The following EPS8L2 variants were observed in gnomAD, a reference collection of about 807,000 sequenced individuals.
The protein encoded by EPS8L2 is EPS8 signaling adaptor L2.
Under a neutral mutation model 99.4 loss-of-function variants are expected in EPS8L2, and 81 were observed. The observed-to-expected ratio is 0.82, with a 90% CI of 0.68 to 0.98. The LOEUF (loss-of-function observed/expected upper bound fraction) is 0.98. Among genes scored for constraint, EPS8L2 ranks in the 50% least tolerant of loss-of-function variants. The pLI is 0.00. For missense variants in EPS8L2, 1,155 were observed against 968.8 expected (o/e 1.19, Z -2.55); for synonymous variants, 509 against 407.3 (o/e 1.25, Z -3.01).
rs578152165 is a variant in EPS8L2 at position 707,821 on chromosome 11, C to T, written c.-78-1509C>T. On this transcript the variant is annotated intron_variant, in intron 1 of 20. Transcript: ENST00000318562. ...TTGCGTGCCCCCAGGCCTGAGTCTG[C>T]AAGGGTGCGTTGGTGTCTCGCCCAG... 1.6e-4 allele frequency among the ~76,000 whole-genome samples: 25 copies of T among 152,290 alleles called. No individual in the cohort carries two copies. The East Asian group carries it at 4.4e-3, about 27-fold the overall frequency.
At chr11:718,459 T>C (rs1332147595) in intron 4 of EPS8L2, among the ~76,000 whole-genome samples, 5 of 151,916 alleles carry the variant, frequency 3.3e-5, no homozygotes, top group Non-Finnish European at 5.9e-5. Context: ...ATTTTTTCTT[T>C]GAGTTTTTGC....
chr11:719,933 C>G (rs914516965), intron 4 of EPS8L2, 129 bp from the exon 5 acceptor site: 6 of 804,516 alleles, frequency 7.5e-6, no homozygotes, highest in Admixed American at 5.9e-5. Context: ...AAGGCGGGGC[C>G]GGTCCCCGTT....
intron 4 of EPS8L2, among the ~76,000 whole-genome samples, chr11:719,568 G>A (rs1255461020): frequency 6.6e-6 from 1 of 152,254 alleles, no homozygotes; most frequent in Non-Finnish European, 1.5e-5. Context: ...TGGGGACACA[G>A]CTTAGCAAGT....
intron 6 of EPS8L2, 40 bp downstream of exon 6, chr11:720,786 C>T (rs1388227938): frequency 2.6e-6 from 4 of 1,540,832 alleles, no homozygotes; most frequent in Admixed American, 2.0e-5. Context: ...GGCCCCGCCG[C>T]GCCGCGCCCC....
At chr11:725,664 C>G in intron 16 of EPS8L2, 64 bp from the exon 17 acceptor site, 1 of 1,279,114 alleles carries the variant, frequency 7.8e-7, no homozygotes, top group Non-Finnish European at 9.9e-7. Context: ...TAAAGCGGCG[C>G]CAGCGGGTGG....
At position 724,827 on chromosome 11, in the gene EPS8L2, G is replaced by C; in HGVS notation, c.1558G>C (p.Glu520Gln). 1.9e-6 allele frequency: 3 copies of C among 1,608,746 alleles called. No individual in the cohort carries two copies. Among genetic ancestry groups the C allele is most frequent in the Non-Finnish European group, 2.6e-6 (3 of 1,175,690 alleles). ...ELSVLKDEVL[E>Q]VLEDGRQWWK... The stretch of plus-strand genomic sequence containing the variant: ...ATCGGTGCTCAAGGATGAGGTCCTA[G>C]AGGTGAGGGGCTGGAGGACGGGGTC... Residue 520 changes from glutamate (E) to glutamine (Q), a missense_variant and splice_region_variant, in exon 16 of 21, where the codon GAG becomes CAG. Physicochemically the swap from Glu to Gln is conservative, Grantham distance 29 (BLOSUM62 2). Coordinates refer to ENST00000318562, the MANE Select transcript of EPS8L2 (RefSeq NM_022772.4). This position sits in a 1 kb window ranked among gnomAD's most constrained non-coding sequence, Gnocchi z 5.5.
rs374961305 is a variant in EPS8L2, at chr11:722,402, T to C, written c.1061T>C (p.Ile354Thr). Residue 354 changes from isoleucine to threonine, a missense_variant and splice_region_variant, in exon 13 of 21, where the codon ATC becomes ACC. Coordinates refer to ENST00000318562, the MANE Select transcript of EPS8L2 (RefSeq NM_022772.4). ...CCTCTGAACCTCACTGTGCCCCAGATCGTCAACACCTGCAGTGGCCCAGAC... is the reference window on the plus strand; with the variant it reads ...CCTCTGAACCTCACTGTGCCCCAGACCGTCAACACCTGCAGTGGCCCAGAC... Reference protein sequence around the residue: ...VHFLFGPLDLIVNTCSGPDIA... With the variant: ...VHFLFGPLDLTVNTCSGPDIA... 5.0e-6 allele frequency: 8 copies of C among 1,612,644 alleles called. No individual in the cohort carries two copies. In the African/African-American group the frequency reaches 1.1e-4, roughly 22 times the overall value.
In EPS8L2 at chr11:709,418, C is replaced by T; in HGVS notation, c.11C>T (p.Ser4Phe). Reference protein sequence around the residue: MSQSGAVSCCPGAT... With the variant: MSQFGAVSCCPGAT... ...GCCACCCAAGACACCATGAGCCAGT[C>T]CGGGGCCGTGAGCTGCTGCCCGGGT... is the stretch of plus-strand genomic sequence containing the variant. Residue 4 changes from serine to phenylalanine, a missense_variant, in exon 2 of 21, where the codon TCC becomes TTC. By Grantham distance (155) the Ser-to-Phe change is radical (BLOSUM62 -2). Coordinates refer to ENST00000318562, the MANE Select transcript of EPS8L2 (RefSeq NM_022772.4). 1 of 1,590,520 alleles carries T rather than the reference C, an allele frequency of 6.3e-7. No individual in the cohort carries two copies. Among genetic ancestry groups the T allele is most frequent in the Non-Finnish European group, 8.5e-7 (1 of 1,170,016 alleles).
At chr11:726,197 G>A in intron 18 of EPS8L2, 27 bp downstream of exon 18, 4 of 1,594,480 alleles carry the variant, frequency 2.5e-6, no homozygotes, top group Non-Finnish European at 3.4e-6. Flanking sequence ...CGAGGCGGGG[G>A]TCCCGGGCCC....
At chr11:721,010 G>GGGGA in intron 7 of EPS8L2, 54 bp from the exon 8 acceptor site, 1 of 967,960 alleles carries the variant, frequency 1.0e-6, no homozygotes. Flanking sequence ...CCGGCAGGGA[G>GGGGA]GGAGGGTCAG....
Position 722,452 on chromosome 11 carries a change from C to A in EPS8L2, c.1111C>A (p.Leu371Met), listed in dbSNP as rs1377063673. 3.7e-6 allele frequency: 6 copies of A among 1,613,464 alleles called. No homozygotes were observed. The highest frequency in any genetic ancestry group is 1.3e-5 in the African/African-American group (1 of 74,926). Residue 371 changes from leucine to methionine, a missense_variant, in exon 13 of 21, where the codon CTG becomes ATG. By Grantham distance (15) the Leu-to-Met change is conservative. Transcript: ENST00000318562. Reference protein sequence around the residue: ...PDIARSVSCPLLSRDAVDFLR... With the variant: ...PDIARSVSCPMLSRDAVDFLR... Reference sequence around the variant, plus strand: ...CATCGCACGCTCCGTCTCCTGCCCACTGCTCTCCCGAGATGCCGTGGACTT... The same window carrying A: ...CATCGCACGCTCCGTCTCCTGCCCAATGCTCTCCCGAGATGCCGTGGACTT...
At chr11:709,801 G>A (rs1056023633) in intron 3 of EPS8L2, 193 bp downstream of exon 3, 25 of 625,010 alleles carry the variant, frequency 4.0e-5, no homozygotes, top group Admixed American at 3.3e-4. Context: ...CCCCACACCC[G>A]TAAGGGGAGA....
At chr11:725,543 G>A (rs956045244) in intron 16 of EPS8L2, among the ~76,000 whole-genome samples, 185 bp from the exon 17 acceptor site, 3 of 152,168 alleles carry the variant, frequency 2.0e-5, no homozygotes, top group African/African-American at 7.2e-5. Context: ...ACTCCTTGAG[G>A]CAGGGTGGGG....
rs370072010 is a variant in EPS8L2, at chr11:726,158, G to A, written c.1741G>A (p.Gly581Arg). 99 of 1,609,310 alleles carry A rather than the reference G, an allele frequency of 6.2e-5. No homozygotes were observed. The highest frequency in any genetic ancestry group is 7.9e-5 in the Non-Finnish European group (93 of 1,178,402). The change falls in exon 18 of 21, where the codon GGG becomes AGG. Residue 581 changes from glycine (G) to arginine (R), a missense_variant. Physicochemically the swap from Gly to Arg is moderately radical, Grantham distance 125 (BLOSUM62 -2). Transcript: ENST00000318562. ...PTHKLPPSFPGNKDELMQHMD... is the reference protein window; with the variant it reads ...PTHKLPPSFPRNKDELMQHMD... ...CCACAAGCTACCCCCAAGCTTCCCG[G>A]GGAACAAAGACGGTGAGAGCTGCTG...
intron 12 of EPS8L2, 29 bp downstream of exon 12, chr11:722,194 C>A: frequency 6.2e-7 from 1 of 1,606,680 alleles, no homozygotes; most frequent in Non-Finnish European, 8.5e-7. Flanking sequence ...CAGGGGCGCG[C>A]AGGGTGGGGG....
At position 715,177 on chromosome 11, in the gene EPS8L2, G is replaced by T. The variant is rs540437690; in HGVS notation, c.165+4691G>T. On this transcript the variant is annotated intron_variant, in intron 4 of 20. Transcript: ENST00000318562. ...GAATGGCGTGAACCCCGGAGGCGGA[G>T]CTTGCAGTAAGCTGAGATTGCGCCA... is the stretch of plus-strand genomic sequence containing the variant. Among the ~76,000 whole-genome samples the T allele has an allele frequency of 2.0e-3, 304 of 152,094 alleles. 3 individuals carry two copies. The highest frequency in any genetic ancestry group is 1.5e-3 in the Non-Finnish European group (101 of 68,008).
chr11:720,379 G>A (rs1590053167), intron 5 of EPS8L2, among the ~76,000 whole-genome samples, 156 bp downstream of exon 5: 1 of 152,294 alleles, frequency 6.6e-6, no homozygotes, highest in East Asian at 1.9e-4. Flanking sequence ...GTGGGCAGAG[G>A]GCCGCATAGA....
At chr11:714,340 C>T (rs1861963164) in intron 4 of EPS8L2, among the ~76,000 whole-genome samples, 1 of 151,754 alleles carries the variant, frequency 6.6e-6, no homozygotes, top group African/African-American at 2.4e-5. Context: ...AGCAATTCTC[C>T]TGCCTCAGCC....
rs2133543056 is a variant in EPS8L2, at chr11:726,640, C to T, written c.1956C>T (p.Ile652=). The change falls in exon 20 of 21, where the codon ATC becomes ATT. Residue 652 remains isoleucine, a synonymous_variant. Transcript: ENST00000318562. ...FSPRIVENLG[I]LTGPQLFSLN... ...CCAGGATCGTGGAGAACCTGGGCAT[C>T]CTGACCGGGCCGCAGCTCTTCTCCC... is the stretch of plus-strand genomic sequence containing the variant. 3.9e-6 allele frequency: 6 copies of T among 1,555,308 alleles called. No individual in the cohort carries two copies. Among genetic ancestry groups the T allele is most frequent in the Non-Finnish European group, 4.3e-6 (5 of 1,149,976 alleles).
Sources: gnomAD v4.1 joint callset for allele counts (sites outside exome capture counted in the v4.1 genomes callset) on GRCh38, gnomAD v4.1.1 for gene constraint, Gnocchi (gnomAD v3.1) non-coding constraint, MANE v1.5 for transcripts, NCBI Gene and HGNC (gene_info 2026-07-23, HGNC 2026-07-21) for gene names.